GRHL2: variants seen among roughly 807,000 people sequenced by gnomAD.
GRHL2 encodes grainyhead-like protein 2 homolog.
Under a neutral mutation model 83.8 loss-of-function variants are expected in GRHL2, and 21 were observed. That is an observed-to-expected ratio of 0.25 (90% CI 0.18 to 0.36). The LOEUF (loss-of-function observed/expected upper bound fraction) is 0.36. Ranked by LOEUF, GRHL2 falls within the 10% of genes least tolerant of loss-of-function variation. The probability of loss-of-function intolerance (pLI) is 1.00; values close to 1 mark genes in which losing one functional copy is unlikely to be tolerated. For synonymous variants in GRHL2, 280 were observed against 278.9 expected (o/e 1.00, Z -0.04); for missense variants, 623 against 781.8 (o/e 0.80, Z 2.42).
intron 14 of GRHL2, among the ~76,000 whole-genome samples, chr8:101,651,547 A>G (rs959176764): frequency 6.6e-6 from 1 of 152,126 alleles, no homozygotes; most frequent in Non-Finnish European, 1.5e-5. Context: ...GACCAGTTCT[A>G]TAAGTGTTCT....
chr8:101,663,152 G>A (rs988218142), intron 14 of GRHL2, among the ~76,000 whole-genome samples: 1 of 152,162 alleles, frequency 6.6e-6, no homozygotes, highest in Non-Finnish European at 1.5e-5. Context: ...TATGGAATAT[G>A]TGGGTCAAAG....
chr8:101,545,087 T>C (rs1424125358), intron 2 of GRHL2, among the ~76,000 whole-genome samples: 1 of 152,158 alleles, frequency 6.6e-6, no homozygotes, highest in Non-Finnish European at 1.5e-5. Flanking sequence ...AAGGTATGAG[T>C]GGCAGGTGCA....
intron 1 of GRHL2, among the ~76,000 whole-genome samples, chr8:101,538,816 T>A (rs1300990342): frequency 6.6e-6 from 1 of 152,244 alleles, no homozygotes; most frequent in Non-Finnish European, 1.5e-5. Flanking sequence ...CCAGAGAGAT[T>A]ATAATTTGTG....
At chr8:101,601,648 ATTGT>A (rs941855726) in intron 8 of GRHL2, among the ~76,000 whole-genome samples, 1 of 152,174 alleles carries the variant, frequency 6.6e-6, no homozygotes, top group Non-Finnish European at 1.5e-5. Flanking sequence ...TTTATATTGC[ATTGT>A]TTTATATTGC....
chr8:101,661,129 A>T (rs946470126), intron 14 of GRHL2, among the ~76,000 whole-genome samples: 6 of 151,960 alleles, frequency 3.9e-5, no homozygotes, highest in African/African-American at 1.2e-4. Flanking sequence ...CATTATGAAT[A>T]TTTTTTTGCA....
chr8:101,608,546 C>T (rs970854282), intron 8 of GRHL2, among the ~76,000 whole-genome samples: 6 of 152,140 alleles, frequency 3.9e-5, no homozygotes, highest in Admixed American at 1.3e-4. Context: ...GACAGTGGGT[C>T]TATGGGAGAT....
rs182395200 is a variant in GRHL2, at chr8:101,514,449, T to C, written c.20+21660T>C. ...CAAGGGAAGGAGAGCCCCCAGACTC[T>C]GAGGCAAGCCCAGCCCAAGGGCTGG... On this transcript the variant is annotated intron_variant, in intron 1 of 15. Coordinates refer to ENST00000646743, the MANE Select transcript of GRHL2 (RefSeq NM_024915.4). Among the ~76,000 whole-genome samples the C allele has an allele frequency of 3.4e-4, 52 of 152,310 alleles. 1 individual carries two copies. The East Asian group carries it at 8.9e-3, about 26-fold the overall frequency.
intron 7 of GRHL2, among the ~76,000 whole-genome samples, chr8:101,593,591 T>A (rs1418616770): frequency 6.6e-6 from 1 of 152,100 alleles, no homozygotes; most frequent in Non-Finnish European, 1.5e-5. Context: ...CAGGAAGGAA[T>A]CCCAGACGTA....
At chr8:101,610,717 A>G (rs1812731135) in intron 8 of GRHL2, among the ~76,000 whole-genome samples, 1 of 151,002 alleles carries the variant, frequency 6.6e-6, no homozygotes, top group South Asian at 2.1e-4. Flanking sequence ...CTGTAGTGCT[A>G]GGGTTTGCAC....
intron 8 of GRHL2, among the ~76,000 whole-genome samples, chr8:101,618,097 C>G (rs1812891007): frequency 6.6e-6 from 1 of 152,124 alleles, no homozygotes; most frequent in South Asian, 2.1e-4. Context: ...GTGCCTGGAT[C>G]TCCCCAGAAA....
intron 14 of GRHL2, among the ~76,000 whole-genome samples, chr8:101,663,598 C>A (rs1813971235): frequency 6.7e-6 from 1 of 149,812 alleles, no homozygotes; most frequent in Admixed American, 6.7e-5. Flanking sequence ...GGAACCAGAG[C>A]AAGATTCCAT....
intron 1 of GRHL2, among the ~76,000 whole-genome samples, chr8:101,526,510 A>C (rs1810805536): frequency 6.7e-6 from 1 of 148,502 alleles, no homozygotes; most frequent in South Asian, 2.1e-4. Context: ...AGTTTCCAAA[A>C]ATTTTCTTTT....
intron 1 of GRHL2, among the ~76,000 whole-genome samples, chr8:101,518,358 G>A (rs1285690498): frequency 1.3e-5 from 2 of 152,204 alleles, no homozygotes; most frequent in African/African-American, 4.8e-5. Context: ...GCTGCAGTGA[G>A]CTGTGATTGT....
chr8:101,661,593 C>T (rs111605568), intron 14 of GRHL2, among the ~76,000 whole-genome samples: 4 of 152,254 alleles, frequency 2.6e-5, no homozygotes, highest in African/African-American at 9.6e-5. Context: ...ATTCATATTA[C>T]TTTTTGCCAT....
At chr8:101,595,706 G>A (rs1396038788) in intron 7 of GRHL2, among the ~76,000 whole-genome samples, 1 of 151,414 alleles carries the variant, frequency 6.6e-6, no homozygotes, top group Non-Finnish European at 1.5e-5. Context: ...TTTGTTTTTT[G>A]TTTTCTCTTT....
intron 7 of GRHL2, among the ~76,000 whole-genome samples, chr8:101,578,890 G>A (rs1433316140): frequency 6.6e-6 from 1 of 152,200 alleles, no homozygotes; most frequent in East Asian, 1.9e-4. Flanking sequence ...ACTAGTTACT[G>A]GTTTTTCTTG....
At position 101,664,475 on chromosome 8, in the gene GRHL2, C is replaced by A. The variant is rs1315010624; in HGVS notation, c.1720C>A (p.Pro574Thr). 3 of 1,613,500 alleles carry A rather than the reference C, an allele frequency of 1.9e-6. No individual in the cohort carries two copies. The highest frequency in any genetic ancestry group is 1.3e-5 in the African/African-American group (1 of 74,950). The change falls in exon 15 of 16, where the codon CCC (proline) becomes ACC (threonine). Residue 574 changes from proline to threonine, a missense_variant. Physicochemically the swap from Pro to Thr is conservative, Grantham distance 38 (BLOSUM62 -1). Around this residue, in one of 8 missense-constraint regions of GRHL2, gnomAD observed 210 missense variants for 254.8 expected, o/e 0.82. Transcript: ENST00000646743. ...MEAISEKYGL[P>T]VEKIAKLYKK... ...ACAGATATCTGAGAAATATGGGCTG[C>A]CCGTGGAGAAGATAGCAAAGCTTTA... is the stretch of plus-strand genomic sequence containing the variant.
At chr8:101,511,584 G>T (rs1429815489) in intron 1 of GRHL2, among the ~76,000 whole-genome samples, 1 of 152,048 alleles carries the variant, frequency 6.6e-6, no homozygotes, top group Non-Finnish European at 1.5e-5. Context: ...CTGACCTGGG[G>T]ATCTGCCCGT....
At chr8:101,547,482 T>C (rs1486808651) in intron 2 of GRHL2, among the ~76,000 whole-genome samples, 1 of 152,204 alleles carries the variant, frequency 6.6e-6, no homozygotes, top group Non-Finnish European at 1.5e-5. Flanking sequence ...CCAGAAATGG[T>C]GGTCCCTGTC....
Sources: allele counts gnomAD v4.1 joint callset (sites outside exome capture counted in the v4.1 genomes callset), GRCh38; gene constraint gnomAD v4.1.1; regional missense constraint gnomAD v4.1.1; transcripts MANE v1.5; gene names NCBI Gene and HGNC (gene_info 2026-07-23, HGNC 2026-07-21).